Variants in CAP2 observed in about 807,000 individuals in gnomAD.
CAP2 encodes adenylyl cyclase-associated protein 2.
CAP2 carries 24 observed loss-of-function variants against 57.7 expected under a neutral mutation model. That is an observed-to-expected ratio of 0.42 (90% CI 0.30 to 0.58). CAP2 has a LOEUF of 0.58. Ranked by LOEUF, CAP2 falls within the 20% of genes least tolerant of loss-of-function variation. The probability of loss-of-function intolerance (pLI) is 0.22; values close to 1 mark genes in which losing one functional copy is unlikely to be tolerated. For missense variants in CAP2, 501 were observed against 590.3 expected, an observed-to-expected ratio of 0.85 and a Z score of 1.57; for synonymous variants, 194 against 207.2, an observed-to-expected ratio of 0.94 and a Z score of 0.55.
In CAP2 at chr6:17,554,282, T is replaced by C. The variant is rs1038335014; in HGVS notation, c.1351-2077T>C. On this transcript the variant is annotated intron_variant, in intron 12 of 12. Coordinates refer to ENST00000229922, the MANE Select transcript of CAP2 (RefSeq NM_006366.3). ...CCACCACACCCTGCTAATTTTTGTA[T>C]GTTTTGTAGAAACAGTGTCCCTGAG... Among the ~76,000 whole-genome samples the C allele has an allele frequency of 7.2e-5, 11 of 152,188 alleles. No individual in the cohort carries two copies. In the East Asian group the frequency reaches 7.7e-4, roughly 11 times the overall value.
intron 2 of CAP2, among the ~76,000 whole-genome samples, chr6:17,426,120 A>C (rs1245307381): frequency 1.3e-5 from 2 of 152,028 alleles, no homozygotes; most frequent in Non-Finnish European, 2.9e-5. Context: ...ACAAACAAAA[A>C]AACCAAACAC....
intron 3 of CAP2, among the ~76,000 whole-genome samples, chr6:17,436,086 TTTCCTTCCTTCC>T (rs745555651): frequency 3.7e-5 from 5 of 133,994 alleles, no homozygotes; most frequent in East Asian, 4.1e-4. Context: ...TCTTTCTTTC[TTTCCTTCCTTCC>T]TTCCTTCCTT....
At chr6:17,495,331 C>G (rs1253684463) in intron 4 of CAP2, among the ~76,000 whole-genome samples, 1 of 152,136 alleles carries the variant, frequency 6.6e-6, no homozygotes, top group African/African-American at 2.4e-5. Flanking sequence ...AATGAACCAG[C>G]AGGTAACAAA....
At chr6:17,545,827 A>G (rs1763031369) in intron 11 of CAP2, among the ~76,000 whole-genome samples, 1 of 152,164 alleles carries the variant, frequency 6.6e-6, no homozygotes, top group African/African-American at 2.4e-5. Flanking sequence ...TTTGCTGAGA[A>G]TGATGGTTTC....
At chr6:17,542,098 C>T (rs775636528) in intron 9 of CAP2, among the ~76,000 whole-genome samples, 17 of 152,174 alleles carry the variant, frequency 1.1e-4, no homozygotes, top group Non-Finnish European at 2.1e-4. Context: ...TGTTTCTCCC[C>T]CTGCACCCCT....
intron 7 of CAP2, among the ~76,000 whole-genome samples, chr6:17,530,406 G>A (rs1392989865): frequency 6.6e-6 from 1 of 152,132 alleles, no homozygotes; most frequent in Non-Finnish European, 1.5e-5. Flanking sequence ...TGCTTTTAAA[G>A]TGTATGATTG....
chr6:17,498,063 C>T (rs747288469), intron 4 of CAP2, among the ~76,000 whole-genome samples: 16 of 152,312 alleles, frequency 1.1e-4, no homozygotes, highest in Middle Eastern at 3.4e-3. Flanking sequence ...CAGACATTGA[C>T]AGCATAGAGA....
chr6:17,528,305 A>G lies in CAP2; in HGVS notation c.637-10964A>G, dbSNP rs568388411. Among the ~76,000 whole-genome samples the G allele has an allele frequency of 4.6e-5, 7 of 152,384 alleles. No homozygotes were observed. In the East Asian group the frequency reaches 1.3e-3, roughly 29 times the overall value. On this transcript the variant is annotated intron_variant, in intron 7 of 12. Transcript: ENST00000229922. ...ATGGGACGAAACCCCATTATAAGTC[A>G]AGGAGCATCTGCATAAATTAGAGAA...
intron 1 of CAP2, among the ~76,000 whole-genome samples, chr6:17,400,193 T>A (rs1026918824): frequency 7.9e-5 from 12 of 152,106 alleles, no homozygotes; most frequent in African/African-American, 2.9e-4. Flanking sequence ...GCCACTGCAT[T>A]CCAGTGTGGG....
intron 1 of CAP2, among the ~76,000 whole-genome samples, chr6:17,398,725 C>T (rs1258794722): frequency 2.0e-5 from 3 of 151,964 alleles, no homozygotes; most frequent in Non-Finnish European, 2.9e-5. Flanking sequence ...GGGATTTCAC[C>T]GTGTTAGCCA....
intron 4 of CAP2, among the ~76,000 whole-genome samples, chr6:17,501,598 C>G (rs866126535): frequency 2.0e-5 from 3 of 152,190 alleles, no homozygotes; most frequent in Admixed American, 6.5e-5. Flanking sequence ...TGAGGTCAAA[C>G]TCCCAGAGTT....
At chr6:17,425,870 C>T (rs115165202) in intron 2 of CAP2, among the ~76,000 whole-genome samples, 1 of 151,972 alleles carries the variant, frequency 6.6e-6, no homozygotes, top group African/African-American at 2.4e-5. Flanking sequence ...CAAGGTGGGC[C>T]GATCACTTGA....
At chr6:17,449,429 A>G (rs1226374781) in intron 3 of CAP2, among the ~76,000 whole-genome samples, 1 of 151,636 alleles carries the variant, frequency 6.6e-6, no homozygotes, top group Non-Finnish European at 1.5e-5. Flanking sequence ...TTTTTGAGAC[A>G]CAGTTTCATT....
At chr6:17,546,473 A>G (rs1039983716) in intron 11 of CAP2, among the ~76,000 whole-genome samples, 1 of 151,684 alleles carries the variant, frequency 6.6e-6, no homozygotes, top group Non-Finnish European at 1.5e-5. Context: ...GATTGCAAAA[A>G]TTTTCTCCCG....
intron 4 of CAP2, among the ~76,000 whole-genome samples, chr6:17,502,705 T>C (rs707860): frequency 0.74 from 112,679 of 152,144 alleles, 41,900 homozygotes; most frequent in African/African-American, 0.77. Flanking sequence ...ATCTCTCTAA[T>C]GTTATAAATA....
chr6:17,458,137 A>C (rs1760625782), intron 3 of CAP2, among the ~76,000 whole-genome samples: 1 of 152,242 alleles, frequency 6.6e-6, no homozygotes, highest in African/African-American at 2.4e-5. Context: ...ATACAAGGAA[A>C]AATACTGCAT....
intron 11 of CAP2, among the ~76,000 whole-genome samples, chr6:17,550,756 C>T (rs763444575): frequency 5.3e-5 from 8 of 152,032 alleles, no homozygotes; most frequent in South Asian, 4.1e-4. Flanking sequence ...TATAGCACTT[C>T]GATATTTATA....
intron 3 of CAP2, among the ~76,000 whole-genome samples, chr6:17,445,299 G>T (rs1407650065): frequency 2.0e-5 from 3 of 152,162 alleles, no homozygotes; most frequent in Admixed American, 1.3e-4. Context: ...TAGAGAGGGG[G>T]TTTCACCACG....
intron 6 of CAP2, among the ~76,000 whole-genome samples, chr6:17,509,535 C>T (rs188867897): frequency 2.0e-5 from 3 of 152,044 alleles, no homozygotes; most frequent in Admixed American, 1.3e-4. Flanking sequence ...AAAAGCCGAG[C>T]GTGGTGGTGG....
Sources: allele counts gnomAD v4.1 joint callset (sites outside exome capture counted in the v4.1 genomes callset), GRCh38; gene constraint gnomAD v4.1.1; transcripts MANE v1.5; gene names NCBI Gene and HGNC (gene_info 2026-07-23, HGNC 2026-07-21).